CRACD: variants seen among roughly 807,000 people sequenced by gnomAD.
The protein encoded by CRACD is capping protein-inhibiting regulator of actin dynamics.
Under a neutral mutation model 106.8 loss-of-function variants are expected in CRACD, and 56 were observed. The ratio of observed to expected loss-of-function variants is 0.52; its 90% CI spans 0.42 to 0.66. The LOEUF is 0.66. Ranked by LOEUF, CRACD falls within the 30% of genes least tolerant of loss-of-function variation. The pLI is 0.00. For synonymous variants in CRACD, 754 were observed against 670.8 expected, an observed-to-expected ratio of 1.12 and a Z score of -1.92; for missense variants, 1,730 against 1,623.2, an observed-to-expected ratio of 1.07 and a Z score of -1.13.
rs74779862 is a variant in CRACD, at chr4:56,309,364, A to G, written c.286-1302A>G. Reference sequence around the variant, plus strand: ...ACAGACGGAGGTAGGGCAAGCTGACATGGTTGCTCTGGAAGGGAAGAAAAG... The same window carrying G: ...ACAGACGGAGGTAGGGCAAGCTGACGTGGTTGCTCTGGAAGGGAAGAAAAG... On this transcript the variant is annotated intron_variant, in intron 5 of 10. Transcript: ENST00000682029. 7.1e-3 allele frequency among the ~76,000 whole-genome samples: 1,083 copies of G among 152,278 alleles called. 12 individuals carry two copies. Among genetic ancestry groups the G allele is most frequent in the African/African-American group, 0.025 (1,031 of 41,548 alleles).
chr4:56,321,607 G>A (rs1267189229), intron 8 of CRACD, among the ~76,000 whole-genome samples: 2 of 152,118 alleles, frequency 1.3e-5, no homozygotes, highest in Non-Finnish European at 2.9e-5. Context: ...AGTGTTACAG[G>A]GACCTGGAGT....
chr4:56,325,868 T>C (rs1393352794), intron 10 of CRACD, among the ~76,000 whole-genome samples: 3 of 152,212 alleles, frequency 2.0e-5, no homozygotes, highest in African/African-American at 7.2e-5. Flanking sequence ...ATATATTTAC[T>C]ACTGGTGACA....
At position 56,315,303 on chromosome 4, in the gene CRACD, G is replaced by A. The variant is rs1577905095; in HGVS notation, c.1801G>A (p.Ala601Thr). Residue 601 changes from alanine (A) to threonine (T), a missense_variant, in exon 8 of 11, where the codon GCG becomes ACG. By Grantham distance (58) the Ala-to-Thr change is moderately conservative. Transcript: ENST00000682029. This position sits in a 1 kb window ranked among gnomAD's most constrained non-coding sequence, Gnocchi z 4.1. Reference protein sequence around the residue: ...VPHTAILVTGAQLCGPAVNLS... With the variant: ...VPHTAILVTGTQLCGPAVNLS... ...CCACACCGCCATTCTGGTCACGGGC[G>A]CGCAGCTCTGTGGCCCGGCAGTCAA... 5 of 1,613,796 alleles carry A rather than the reference G, an allele frequency of 3.1e-6. No individual in the cohort carries two copies. The highest frequency in any genetic ancestry group is 2.2e-5 in the South Asian group (2 of 91,008).
intron 6 of CRACD, among the ~76,000 whole-genome samples, chr4:56,312,526 T>G (rs545128545): frequency 8.5e-5 from 13 of 152,308 alleles, no homozygotes; most frequent in African/African-American, 3.1e-4. Context: ...TACTTTATTT[T>G]CCTTTATTCC....
At chr4:56,136,848 T>C (rs1261052760) in intron 1 of CRACD, among the ~76,000 whole-genome samples, 1 of 152,220 alleles carries the variant, frequency 6.6e-6, no homozygotes, top group Admixed American at 6.5e-5. Flanking sequence ...ACAAAGACTT[T>C]CTTCTACATT....
At chr4:56,224,782 A>G (rs935078346) in intron 2 of CRACD, among the ~76,000 whole-genome samples, 1 of 152,166 alleles carries the variant, frequency 6.6e-6, no homozygotes, top group Non-Finnish European at 1.5e-5. Context: ...TTCAGTTGCT[A>G]GTTCTAGTTT....
chr4:56,088,532 T>A (rs1733309760), intron 1 of CRACD, among the ~76,000 whole-genome samples: 1 of 152,036 alleles, frequency 6.6e-6, no homozygotes. Flanking sequence ...TACTTACTTA[T>A]ACCAAAATTA....
intron 2 of CRACD, among the ~76,000 whole-genome samples, chr4:56,267,390 G>A (rs1037067285): frequency 2.6e-5 from 4 of 152,262 alleles, no homozygotes; most frequent in Middle Eastern, 3.4e-3. Context: ...GCAAAGTGCC[G>A]GGATTACAGG....
intron 2 of CRACD, among the ~76,000 whole-genome samples, chr4:56,221,679 A>T (rs1255160374): frequency 6.6e-6 from 1 of 152,088 alleles, no homozygotes. Context: ...AAAATAAAAT[A>T]AAAAAACTCC....
chr4:56,284,592 G>T (rs562918974), intron 3 of CRACD, among the ~76,000 whole-genome samples: 1 of 152,142 alleles, frequency 6.6e-6, no homozygotes, highest in Non-Finnish European at 1.5e-5. Flanking sequence ...AGGCGTGGTG[G>T]TGGGTACCTG....
At chr4:56,303,809 T>G (rs1391478910) in intron 4 of CRACD, among the ~76,000 whole-genome samples, 2 of 152,222 alleles carry the variant, frequency 1.3e-5, no homozygotes, top group Admixed American at 1.3e-4. Flanking sequence ...TCATCCCAGA[T>G]GGCTGTAGGG....
chr4:56,285,205 T>A (rs1475858722), intron 3 of CRACD, among the ~76,000 whole-genome samples: 1 of 152,004 alleles, frequency 6.6e-6, no homozygotes, highest in Non-Finnish European at 1.5e-5. Context: ...ATGAGGGAAA[T>A]CCACCCCCAT....
At chr4:56,064,669 C>G (rs138640961) in intron 1 of CRACD, among the ~76,000 whole-genome samples, 11 of 152,234 alleles carry the variant, frequency 7.2e-5, no homozygotes, top group African/African-American at 2.2e-4. Context: ...TAGGCTTCAC[C>G]TATTGTTAAA....
At chr4:56,210,255 G>A (rs745726996) in intron 2 of CRACD, among the ~76,000 whole-genome samples, 35 of 152,106 alleles carry the variant, frequency 2.3e-4, no homozygotes, top group Non-Finnish European at 4.1e-4. Context: ...TAGGTTCAGG[G>A]ATATATGTGC....
At chr4:56,269,756 G>A (rs939944712) in intron 2 of CRACD, among the ~76,000 whole-genome samples, 4 of 151,760 alleles carry the variant, frequency 2.6e-5, no homozygotes, top group African/African-American at 9.7e-5. Context: ...ACACTTTTAA[G>A]CAACCAGATC....
intron 1 of CRACD, among the ~76,000 whole-genome samples, chr4:56,145,032 C>A (rs1735334416): frequency 2.0e-5 from 3 of 152,150 alleles, no homozygotes; most frequent in Admixed American, 2.0e-4. Flanking sequence ...AAGTTATCCC[C>A]CCGCCCCAGC....
At chr4:56,310,412 C>T (rs931380900) in intron 5 of CRACD, among the ~76,000 whole-genome samples, 1 of 152,154 alleles carries the variant, frequency 6.6e-6, no homozygotes. Flanking sequence ...CACAAATGAC[C>T]GAGACTGGGG....
intron 1 of CRACD, among the ~76,000 whole-genome samples, chr4:56,086,853 C>T (rs1447853010): frequency 6.6e-6 from 1 of 152,126 alleles, no homozygotes; most frequent in African/African-American, 2.4e-5. Context: ...AACACATTTC[C>T]TCTATTCTCA....
At chr4:56,158,508 C>T (rs1735837090) in intron 1 of CRACD, among the ~76,000 whole-genome samples, 1 of 152,104 alleles carries the variant, frequency 6.6e-6, no homozygotes, top group Non-Finnish European at 1.5e-5. Context: ...TAGCATATTT[C>T]TGAGGAGTTG....
Sources: gnomAD v4.1 joint callset for allele counts (sites outside exome capture counted in the v4.1 genomes callset) on GRCh38, gnomAD v4.1.1 for gene constraint, Gnocchi (gnomAD v3.1) non-coding constraint, MANE v1.5 for transcripts, NCBI Gene and HGNC (gene_info 2026-07-23, HGNC 2026-07-21) for gene names.